GRM7: variants seen among roughly 807,000 people sequenced by gnomAD.
GRM7 encodes the protein glutamate metabotropic receptor 7, also known as metabotropic glutamate receptor 7.
In GRM7, 35 loss-of-function variants were observed where a neutral mutation model predicts 84.5. The observed-to-expected ratio is 0.41, with a 90% CI of 0.32 to 0.55. The LOEUF is 0.55. GRM7 is among the 20% of genes least tolerant of loss of function. The probability of loss-of-function intolerance (pLI) is 0.19; values close to 1 mark genes in which losing one functional copy is unlikely to be tolerated. For missense variants in GRM7, 1,003 were observed against 1,194.6 expected (o/e 0.84, Z 2.36); for synonymous variants, 487 against 455.1 (o/e 1.07, Z -0.89).
At chr3:7,137,091 C>A (rs1227120441) in intron 1 of GRM7, among the ~76,000 whole-genome samples, 3 of 151,986 alleles carry the variant, frequency 2.0e-5, no homozygotes, top group Non-Finnish European at 2.9e-5. Context: ...TTTCAGTCAA[C>A]CAAAATAATT....
At chr3:7,689,333 T>C (rs1456635459) in intron 9 of GRM7, among the ~76,000 whole-genome samples, 1 of 152,240 alleles carries the variant, frequency 6.6e-6, no homozygotes, top group Non-Finnish European at 1.5e-5. Context: ...TTTCGTATCA[T>C]GTTGGGACTC....
chr3:7,481,696 G>A (rs1046063693), intron 7 of GRM7, among the ~76,000 whole-genome samples: 16 of 152,302 alleles, frequency 1.1e-4, no homozygotes, highest in African/African-American at 3.4e-4. Flanking sequence ...TCCTCTCTCA[G>A]GAAAGTAAAA....
Position 7,280,071 on chromosome 3 carries a change from C to T in GRM7, c.737-18613C>T, listed in dbSNP as rs147305298. On this transcript the variant is annotated intron_variant, in intron 2 of 9. Coordinates refer to ENST00000357716, the MANE Select transcript of GRM7 (RefSeq NM_000844.4). ...TTACTATCAGAAACAGGCATATTTG[C>T]TTTGTTAAAATTAAAGTGAAATTAC... is the stretch of plus-strand genomic sequence containing the variant. 4.6e-5 allele frequency among the ~76,000 whole-genome samples: 7 copies of T among 152,090 alleles called. No individual in the cohort carries two copies. In the South Asian group the frequency reaches 1.5e-3, roughly 32 times the overall value.
At chr3:6,974,788 T>A (rs972277517) in intron 1 of GRM7, among the ~76,000 whole-genome samples, 2 of 152,162 alleles carry the variant, frequency 1.3e-5, no homozygotes, top group African/African-American at 4.8e-5. Flanking sequence ...GAAACCTGAT[T>A]GAACTGTGAT....
chr3:6,984,639 C>A (rs1052600569), intron 1 of GRM7, among the ~76,000 whole-genome samples: 2 of 152,072 alleles, frequency 1.3e-5, no homozygotes, highest in Non-Finnish European at 2.9e-5. Context: ...TCTACACATG[C>A]CTTTTAGTGA....
chr3:7,360,893 T>C (rs1038651275), intron 4 of GRM7, among the ~76,000 whole-genome samples: 3 of 152,116 alleles, frequency 2.0e-5, no homozygotes, highest in African/African-American at 7.2e-5. Flanking sequence ...CCATGAAATC[T>C]TACGTTTTGA....
chr3:6,891,725 C>T (rs1468135856), intron 1 of GRM7, among the ~76,000 whole-genome samples: 1 of 152,122 alleles, frequency 6.6e-6, no homozygotes, highest in Non-Finnish European at 1.5e-5. Flanking sequence ...AGTTGCTCTT[C>T]TCGAGGAGTA....
At chr3:7,180,524 G>A (rs1695302347) in intron 2 of GRM7, among the ~76,000 whole-genome samples, 1 of 152,080 alleles carries the variant, frequency 6.6e-6, no homozygotes, top group South Asian at 2.1e-4. Flanking sequence ...CACCTTCAAT[G>A]GGTATAATTT....
At chr3:7,140,668 T>G (rs1308188555) in intron 1 of GRM7, among the ~76,000 whole-genome samples, 1 of 152,084 alleles carries the variant, frequency 6.6e-6, no homozygotes, top group Non-Finnish European at 1.5e-5. Flanking sequence ...ATTTATAATA[T>G]TATCATTATT....
chr3:7,693,901 T>C (rs1186647486), intron 9 of GRM7, among the ~76,000 whole-genome samples: 3 of 152,112 alleles, frequency 2.0e-5, no homozygotes, highest in Non-Finnish European at 4.4e-5. Flanking sequence ...CACTAGAATA[T>C]TGTCTAGGAG....
At chr3:7,232,654 A>G (rs917258769) in intron 2 of GRM7, among the ~76,000 whole-genome samples, 1 of 152,210 alleles carries the variant, frequency 6.6e-6, no homozygotes, top group Non-Finnish European at 1.5e-5. Flanking sequence ...ATTTTGGGAC[A>G]TTATCATGTG....
intron 1 of GRM7, among the ~76,000 whole-genome samples, chr3:6,970,563 A>G (rs1693710389): frequency 6.6e-6 from 1 of 152,198 alleles, no homozygotes; most frequent in Admixed American, 6.5e-5. Context: ...GATTGGTAAG[A>G]GGGAAAGCCG....
chr3:6,980,517 A>G (rs553049745), intron 1 of GRM7, among the ~76,000 whole-genome samples: 114 of 152,302 alleles, frequency 7.5e-4, no homozygotes, highest in Non-Finnish European at 5.6e-4. Flanking sequence ...GTGAAATCCA[A>G]TTAAACTAGT....
chr3:6,861,335 G>T lies in GRM7; in HGVS notation c.-54G>T. The T allele has an allele frequency of 7.0e-7, 1 of 1,432,744 alleles. No individual in the cohort carries two copies. The highest frequency in any genetic ancestry group is 9.1e-7 in the Non-Finnish European group (1 of 1,098,728). The allele number at this position is 1,432,744 out of a possible 1,614,324, so 88.8% of individuals were successfully genotyped here. A position where few individuals can be genotyped will look rare whatever the true frequency, so the allele number is the denominator to read the frequency against. ...CCCTGAAGGGCCCGGACCTCGGCGA[G>T]CCCACCACCGTTCCCTCCAGCGCCG... is the stretch of plus-strand genomic sequence containing the variant. On this transcript the variant is annotated 5_prime_UTR_variant, in exon 1 of 10. Coordinates refer to ENST00000357716, the MANE Select transcript of GRM7 (RefSeq NM_000844.4). The surrounding 1 kb of genome is among the most constrained non-coding windows in gnomAD (Gnocchi z 6.4).
At chr3:7,531,759 T>C (rs1191414607) in intron 7 of GRM7, among the ~76,000 whole-genome samples, 2 of 152,154 alleles carry the variant, frequency 1.3e-5, no homozygotes, top group Admixed American at 1.3e-4. Context: ...ACAGAGACAA[T>C]TTGACTTCCT....
At chr3:7,219,263 A>G (rs570312520) in intron 2 of GRM7, among the ~76,000 whole-genome samples, 59 of 79,860 alleles carry the variant, frequency 7.4e-4, no homozygotes, top group African/African-American at 6.2e-3. Context: ...TCTTTGGTTC[A>G]CACGTCTAAC....
rs942723536 is a variant in GRM7 at position 7,293,671 on chromosome 3, C to G, written c.737-5013C>G. On this transcript the variant is annotated intron_variant, in intron 2 of 9. Transcript: ENST00000357716. ...GAGAATGTAGTGTGCTGAATTATCA[C>G]CATTACTGAGAAATAAACTAACTGA... Among the ~76,000 whole-genome samples, 3 of 152,154 alleles carry G rather than the reference C, an allele frequency of 2.0e-5. No individual in the cohort carries two copies. The South Asian group carries it at 6.2e-4, about 32-fold the overall frequency.
Position 7,242,859 on chromosome 3 carries a change from T to C in GRM7, c.737-55825T>C, listed in dbSNP as rs1041205449. Among the ~76,000 whole-genome samples the C allele has an allele frequency of 3.9e-5, 6 of 152,278 alleles. No individual in the cohort carries two copies. In the East Asian group the frequency reaches 1.2e-3, roughly 29 times the overall value. Reference sequence around the variant, plus strand: ...AGCATTGACAGCCCGTTTCCCCTCCTGGCTGAACAGTATGGTTTTGAACTT... The same window carrying C: ...AGCATTGACAGCCCGTTTCCCCTCCCGGCTGAACAGTATGGTTTTGAACTT... On this transcript the variant is annotated intron_variant, in intron 2 of 9. Transcript: ENST00000357716.
intron 1 of GRM7, among the ~76,000 whole-genome samples, chr3:7,143,339 CT>C (rs1559467621): frequency 6.6e-6 from 1 of 152,124 alleles, no homozygotes; most frequent in African/African-American, 2.4e-5. Context: ...AGTCCTTCAC[CT>C]CTATTGCTAC....
Sources: gnomAD v4.1 joint callset for allele counts (sites outside exome capture counted in the v4.1 genomes callset) on GRCh38, gnomAD v4.1.1 for gene constraint, Gnocchi (gnomAD v3.1) non-coding constraint, MANE v1.5 for transcripts, NCBI Gene and HGNC (gene_info 2026-07-23, HGNC 2026-07-21) for gene names.